NELL1: variants seen among roughly 807,000 people sequenced by gnomAD.
NELL1 encodes the protein protein kinase C-binding protein NELL1.
NELL1 carries 76 observed loss-of-function variants against 107.4 expected under a neutral mutation model. The ratio of observed to expected loss-of-function variants is 0.71; its 90% CI spans 0.59 to 0.86. The LOEUF (loss-of-function observed/expected upper bound fraction) is 0.86, where lower values mean the gene tolerates loss of function less well. NELL1 is among the 40% of genes least tolerant of loss of function. NELL1 has a pLI of 0.00. For synonymous variants in NELL1, 353 were observed against 341.2 expected, an observed-to-expected ratio of 1.03 and a Z score of -0.38; for missense variants, 1,024 against 1,005.5, an observed-to-expected ratio of 1.02 and a Z score of -0.25.
At chr11:20,803,109 C>T (rs1432654772) in intron 3 of NELL1, among the ~76,000 whole-genome samples, 1 of 151,986 alleles carries the variant, frequency 6.6e-6, no homozygotes, top group South Asian at 2.1e-4. Flanking sequence ...ATTCCCTCCT[C>T]TATTTTTCAG....
intron 2 of NELL1, among the ~76,000 whole-genome samples, chr11:20,734,205 G>A (rs758086393): frequency 2.0e-5 from 3 of 152,112 alleles, no homozygotes; most frequent in Non-Finnish European, 4.4e-5. Context: ...GGTGAGAATT[G>A]GGAGTAGCAG....
intron 13 of NELL1, 22 bp downstream of exon 13, chr11:21,113,736 TG>T: frequency 8.1e-6 from 13 of 1,607,516 alleles, no homozygotes; most frequent in Non-Finnish European, 1.0e-5. Flanking sequence ...GAAGCAGTGT[TG>T]TTTTTTTAAT....
chr11:21,124,067 A>G (rs1855432506), intron 13 of NELL1, among the ~76,000 whole-genome samples: 1 of 152,168 alleles, frequency 6.6e-6, no homozygotes, highest in Non-Finnish European at 1.5e-5. Flanking sequence ...ATAAACAGAG[A>G]ACAGAGGGTA....
chr11:21,421,177 A>G (rs73459508), intron 15 of NELL1, among the ~76,000 whole-genome samples: 10,705 of 152,222 alleles, frequency 0.07, 1,033 homozygotes, highest in African/African-American at 0.22. Context: ...TATGGTACAC[A>G]TTAGCATGGT....
At chr11:20,737,895 G>A (rs762242747) in intron 2 of NELL1, among the ~76,000 whole-genome samples, 3 of 150,946 alleles carry the variant, frequency 2.0e-5, no homozygotes, top group Non-Finnish European at 2.9e-5. Context: ...GAGTTGGAAC[G>A]ATCAGGAATT....
chr11:21,111,170 C>T (rs1363392552), intron 12 of NELL1, among the ~76,000 whole-genome samples: 1 of 152,074 alleles, frequency 6.6e-6, no homozygotes, highest in Admixed American at 6.5e-5. Flanking sequence ...TCAAATTCCT[C>T]TTGTTGAAAG....
At chr11:21,125,729 T>C (rs763847585) in intron 13 of NELL1, among the ~76,000 whole-genome samples, 1 of 152,178 alleles carries the variant, frequency 6.6e-6, no homozygotes, top group African/African-American at 2.4e-5. Flanking sequence ...TTGAATTTGA[T>C]GTTAGGTGGG....
chr11:21,223,664 A>AT (rs1857818856), intron 13 of NELL1, among the ~76,000 whole-genome samples: 1 of 151,430 alleles, frequency 6.6e-6, no homozygotes, highest in South Asian at 2.1e-4. Context: ...CTTATTGTTT[A>AT]TTTTTGTGGT....
intron 2 of NELL1, among the ~76,000 whole-genome samples, chr11:20,681,569 CTT>C (rs1854190261): frequency 6.6e-6 from 1 of 152,092 alleles, no homozygotes; most frequent in Non-Finnish European, 1.5e-5. Flanking sequence ...GCCGAAGCCT[CTT>C]CCACATTTTT....
chr11:21,221,672 G>C (rs895698241), intron 13 of NELL1, among the ~76,000 whole-genome samples: 10 of 152,066 alleles, frequency 6.6e-5, no homozygotes, highest in African/African-American at 2.4e-4. Flanking sequence ...TTGGCATATA[G>C]CTATCATAAT....
rs145688442 is a variant in NELL1 at position 21,290,025 on chromosome 11, C to T, written c.1549+60571C>T. On this transcript the variant is annotated intron_variant, in intron 14 of 19. Coordinates refer to ENST00000357134, the MANE Select transcript of NELL1 (RefSeq NM_006157.5). ...TTATAGATAAAATTCCCATCTCCCT[C>T]GGACATAGCACCTGGGGGAAGGGGC... 9.3e-3 allele frequency among the ~76,000 whole-genome samples: 1,417 copies of T among 152,226 alleles called. 9 individuals carry two copies. The highest frequency in any genetic ancestry group is 0.013 in the Non-Finnish European group (879 of 68,018).
At chr11:21,091,057 A>T (rs755694685) in intron 12 of NELL1, among the ~76,000 whole-genome samples, 1 of 152,244 alleles carries the variant, frequency 6.6e-6, no homozygotes, top group Non-Finnish European at 1.5e-5. Flanking sequence ...TTTCTGGCAC[A>T]TAATAGGTGT....
At chr11:20,895,675 T>G (rs2134123291) in intron 5 of NELL1, among the ~76,000 whole-genome samples, 1 of 151,852 alleles carries the variant, frequency 6.6e-6, no homozygotes, top group South Asian at 2.1e-4. Context: ...CCGGCTAATT[T>G]TTTTGTATTT....
chr11:20,780,830 G>A (rs1365869130), intron 2 of NELL1, among the ~76,000 whole-genome samples: 1 of 152,106 alleles, frequency 6.6e-6, no homozygotes, highest in African/African-American at 2.4e-5. Context: ...AAGATCTGAG[G>A]TGGGAGTGGG....
rs549286057 is a variant in NELL1, at chr11:21,175,523, A to G, written c.1427-53809A>G. Reference sequence around the variant, plus strand: ...GTAGAAAATATCCTTAATTGGTCCAATTTAGAACTTAATAGTAATCCACTG... The same window carrying G: ...GTAGAAAATATCCTTAATTGGTCCAGTTTAGAACTTAATAGTAATCCACTG... On this transcript the variant is annotated intron_variant, in intron 13 of 19. Transcript: ENST00000357134. Among the ~76,000 whole-genome samples, 416 of 151,986 alleles carry G rather than the reference A, an allele frequency of 2.7e-3. 2 individuals are homozygous for G. Among genetic ancestry groups the G allele is most frequent in the Non-Finnish European group, 4.8e-3 (329 of 68,020 alleles).
At chr11:20,713,494 G>C (rs1010464454) in intron 2 of NELL1, among the ~76,000 whole-genome samples, 3 of 152,146 alleles carry the variant, frequency 2.0e-5, no homozygotes, top group African/African-American at 7.2e-5. Context: ...CACGCAGTTG[G>C]TGAGGCTGGT....
intron 12 of NELL1, among the ~76,000 whole-genome samples, chr11:21,092,898 A>C (rs1854553216): frequency 6.6e-6 from 1 of 152,098 alleles, no homozygotes; most frequent in Non-Finnish European, 1.5e-5. Context: ...GAGAATCTAG[A>C]TGCAGATGAA....
intron 12 of NELL1, among the ~76,000 whole-genome samples, chr11:21,042,805 G>C (rs905119750): frequency 3.3e-5 from 5 of 152,100 alleles, no homozygotes; most frequent in Admixed American, 3.3e-4. Context: ...GTGTGTTCCA[G>C]CTCTGTTTGA....
intron 15 of NELL1, among the ~76,000 whole-genome samples, chr11:21,431,047 C>T (rs1378438980): frequency 1.3e-5 from 2 of 152,050 alleles, no homozygotes; most frequent in East Asian, 3.9e-4. Context: ...CACGTCTAAC[C>T]TAATTTTTTG....
Sources: gnomAD v4.1 joint callset for allele counts (sites outside exome capture counted in the v4.1 genomes callset) on GRCh38, gnomAD v4.1.1 for gene constraint, MANE v1.5 for transcripts, NCBI Gene and HGNC (gene_info 2026-07-23, HGNC 2026-07-21) for gene names.